TACC2: variants seen among roughly 807,000 people sequenced by gnomAD.
TACC2 encodes transforming acidic coiled-coil containing protein 2, also known as transforming acidic coiled-coil-containing protein 2.
A neutral mutation model predicts 227.3 loss-of-function variants in TACC2; 137 were observed. That is an observed-to-expected ratio of 0.60 (90% CI 0.52 to 0.69). The LOEUF is 0.69. TACC2 is among the 30% of genes least tolerant of loss of function. The pLI is 0.00. For missense variants in TACC2, 3,470 were observed against 3,694.4 expected (o/e 0.94, Z 1.57); for synonymous variants, 1,523 against 1,487.5 (o/e 1.02, Z -0.55).
chr10:122,118,530 C>G (rs866218542), intron 5 of TACC2, among the ~76,000 whole-genome samples: 1 of 152,194 alleles, frequency 6.6e-6, no homozygotes, highest in African/African-American at 2.4e-5. Context: ...CTTGTTGAAT[C>G]AGTTAATGAA....
intron 3 of TACC2, among the ~76,000 whole-genome samples, chr10:122,059,474 A>G (rs193151496): frequency 6.6e-6 from 1 of 152,080 alleles, no homozygotes; most frequent in African/African-American, 2.4e-5. Context: ...ACCAGGGTTT[A>G]CCCCCAGGCC....
intron 13 of TACC2, among the ~76,000 whole-genome samples, chr10:122,226,893 A>G (rs1565700492): frequency 6.6e-6 from 1 of 152,008 alleles, no homozygotes; most frequent in Non-Finnish European, 1.5e-5. Context: ...TTATTCCATC[A>G]TTTGTCTAAA....
chr10:122,016,351 G>A (rs1172207554), intron 1 of TACC2, among the ~76,000 whole-genome samples: 1 of 151,288 alleles, frequency 6.6e-6, no homozygotes, highest in African/African-American at 2.4e-5. Context: ...GGTGGATCAC[G>A]AGGTCAAGAG....
intron 1 of TACC2, among the ~76,000 whole-genome samples, chr10:121,990,476 G>T (rs1952983128): frequency 6.6e-6 from 1 of 152,024 alleles, no homozygotes; most frequent in African/African-American, 2.4e-5. Context: ...TTTTGTTTTT[G>T]TCTTATGGCA....
chr10:122,122,765 T>C (rs4752652), intron 5 of TACC2, among the ~76,000 whole-genome samples: 100,253 of 152,144 alleles, frequency 0.66, 37,169 homozygotes, highest in South Asian at 0.82. Context: ...TGAGTGAGTG[T>C]GTGCAGAGCC....
chr10:122,053,496 G>A (rs2075919885), intron 3 of TACC2, among the ~76,000 whole-genome samples: 1 of 152,134 alleles, frequency 6.6e-6, no homozygotes, highest in South Asian at 2.1e-4. Flanking sequence ...AGAGCCTGGT[G>A]CATTGAGACC....
chr10:122,235,486 A>T (rs2095840166), intron 16 of TACC2, among the ~76,000 whole-genome samples: 1 of 152,142 alleles, frequency 6.6e-6, no homozygotes, highest in Admixed American at 6.5e-5. Flanking sequence ...CTCCCACCTC[A>T]GCCTCCCAAA....
intron 19 of TACC2, chr10:122,248,240 G>A: frequency 5.4e-6 from 1 of 183,948 alleles, no homozygotes; most frequent in Non-Finnish European, 1.2e-5. Context: ...TCACAGCCCA[G>A]ACCTCACACC....
chr10:122,167,148 G>T (rs1230621602), intron 7 of TACC2, among the ~76,000 whole-genome samples: 1 of 152,208 alleles, frequency 6.6e-6, no homozygotes, highest in Non-Finnish European at 1.5e-5. Context: ...GAGCAAAAGC[G>T]GTGGTTCTGT....
chr10:122,253,014 G>C (rs2096279432), intron 22 of TACC2, among the ~76,000 whole-genome samples: 1 of 152,136 alleles, frequency 6.6e-6, no homozygotes, highest in African/African-American at 2.4e-5. Context: ...CTTCCTCCCA[G>C]CACTGACACA....
chr10:122,166,510 G>T (rs558834554), intron 7 of TACC2, among the ~76,000 whole-genome samples: 1 of 152,116 alleles, frequency 6.6e-6, no homozygotes, highest in Admixed American at 6.6e-5. Context: ...GAAGCCTGAG[G>T]ATGAAGGTGC....
intron 10 of TACC2, among the ~76,000 whole-genome samples, chr10:122,216,089 A>G (rs2095398962): frequency 6.6e-6 from 1 of 152,184 alleles, no homozygotes; most frequent in African/African-American, 2.4e-5. Flanking sequence ...GACCCTGGCC[A>G]GAGTGGGGGC....
chr10:122,116,539 C>T (rs1217959378), intron 5 of TACC2, among the ~76,000 whole-genome samples: 5 of 152,168 alleles, frequency 3.3e-5, no homozygotes, highest in East Asian at 1.9e-4. Context: ...CCTTCCTTCT[C>T]GTGGATGGTG....
At position 122,087,903 on chromosome 10, in the gene TACC2, C is replaced by T. The variant is rs773442499; in HGVS notation, c.5403C>T (p.Asp1801=). 15 of 1,512,422 alleles carry T rather than the reference C, an allele frequency of 9.9e-6. No homozygotes were observed. The highest frequency in any genetic ancestry group is 6.8e-5 in the East Asian group (3 of 43,890). 93.7% of individuals were successfully genotyped at this position (1,512,422 alleles called of 1,614,324 possible). A position where few individuals can be genotyped will look rare whatever the true frequency, so the allele number is the denominator to read the frequency against. Residue 1801 remains aspartate, a synonymous_variant, in exon 4 of 23, where the codon GAC becomes GAT. Coordinates refer to ENST00000369005, the MANE Select transcript of TACC2 (RefSeq NM_206862.4). ...GCGTCTCCTCACCTCCAGAGCCTGA[C>T]GAAACTCACGACCCGAAGCTGCAAC... ...KVCVSSPPEP[D]ETHDPKLQHL...
intron 5 of TACC2, among the ~76,000 whole-genome samples, chr10:122,112,032 C>T (rs1388258609): frequency 6.6e-6 from 1 of 152,164 alleles, no homozygotes; most frequent in Non-Finnish European, 1.5e-5. Flanking sequence ...CTTTATTCTA[C>T]AGAGAATCCT....
chr10:122,228,470 C>G (rs372223522), intron 14 of TACC2, among the ~76,000 whole-genome samples: 8 of 152,140 alleles, frequency 5.3e-5, no homozygotes, highest in African/African-American at 1.7e-4. Flanking sequence ...GCAAACAGAG[C>G]TGAGCTGAAG....
At chr10:122,159,653 CG>C (rs1010485887) in intron 7 of TACC2, among the ~76,000 whole-genome samples, 3 of 152,122 alleles carry the variant, frequency 2.0e-5, no homozygotes, top group African/African-American at 4.8e-5. Context: ...GAAGAGAAGT[CG>C]CTGGGGTTTT....
intron 7 of TACC2, chr10:122,192,731 T>C (rs1363757834): frequency 4.4e-6 from 2 of 456,636 alleles, no homozygotes; most frequent in Admixed American, 4.7e-5. Flanking sequence ...GCCCGGTGGA[T>C]GTGGACAGCG....
intron 2 of TACC2, among the ~76,000 whole-genome samples, chr10:122,030,932 C>T (rs1358317299): frequency 6.6e-6 from 1 of 152,080 alleles, no homozygotes; most frequent in Non-Finnish European, 1.5e-5. Context: ...CTCCATAATG[C>T]TCAGCCTCCT....
Sources: gnomAD v4.1 joint callset for allele counts (sites outside exome capture counted in the v4.1 genomes callset) on GRCh38, gnomAD v4.1.1 for gene constraint, MANE v1.5 for transcripts, NCBI Gene and HGNC (gene_info 2026-07-23, HGNC 2026-07-21) for gene names.